The following PPP2R3A variants were observed in gnomAD, a reference collection of about 807,000 sequenced individuals.
PPP2R3A encodes serine/threonine-protein phosphatase 2A regulatory subunit B'' subunit alpha.
In PPP2R3A, 80 loss-of-function variants were observed where a neutral mutation model predicts 106.9. The ratio of observed to expected loss-of-function variants is 0.75; its 90% CI spans 0.62 to 0.90. The LOEUF is 0.90. Ranked by LOEUF, PPP2R3A falls within the 40% of genes least tolerant of loss-of-function variation. PPP2R3A has a pLI of 0.00. For missense variants in PPP2R3A, 1,386 were observed against 1,350.4 expected (o/e 1.03, Z -0.41); for synonymous variants, 483 against 468.3 (o/e 1.03, Z -0.41).
chr3:136,138,691 T>A lies in PPP2R3A; in HGVS notation c.3330-6352T>A, dbSNP rs143370580. On this transcript the variant is annotated intron_variant, in intron 13 of 13. Transcript: ENST00000264977. The stretch of plus-strand genomic sequence containing the variant: ...TTATAGACTCCAAACTAGAGAAATA[T>A]TGAATTTTTTTTTTTTTTTTTTTTT... Among the ~76,000 whole-genome samples the A allele has an allele frequency of 3.3e-3, 448 of 136,550 alleles. 1 individual carries two copies. The highest frequency in any genetic ancestry group is 0.012 in the African/African-American group (421 of 36,210). The allele number at this position is 136,550 out of a possible 152,430, so 89.6% of individuals were successfully genotyped here. A position where few individuals can be genotyped will look rare whatever the true frequency, so the allele number is the denominator to read the frequency against.
At position 135,983,092 on chromosome 3, in the gene PPP2R3A, T is replaced by C. The variant is rs1266351510; in HGVS notation, c.-441+17243T>C. On this transcript the variant is annotated intron_variant, in intron 1 of 13. Coordinates refer to ENST00000264977, the MANE Select transcript of PPP2R3A (RefSeq NM_002718.5). ...CATCAGTGGGGTCAAGAAATAGGAT[T>C]CCAAAGCCATATCCAGGGCAGGAGC... Among the ~76,000 whole-genome samples the C allele has an allele frequency of 2.0e-5, 3 of 152,266 alleles. No homozygotes were observed. In the East Asian group the frequency reaches 5.8e-4, roughly 29 times the overall value.
chr3:136,028,502 G>A (rs1474551933), intron 3 of PPP2R3A, among the ~76,000 whole-genome samples: 1 of 152,216 alleles, frequency 6.6e-6, no homozygotes, highest in Admixed American at 6.5e-5. Context: ...AAGTCACAGA[G>A]CTAGTTCATG....
intron 6 of PPP2R3A, among the ~76,000 whole-genome samples, chr3:136,075,484 C>A (rs1228860261): frequency 6.6e-6 from 1 of 152,048 alleles, no homozygotes; most frequent in Admixed American, 6.5e-5. Flanking sequence ...TGAAGTGTGG[C>A]CACTGAATAA....
rs745538455 is a variant in PPP2R3A at position 136,070,504 on chromosome 3, C to CA, written c.2497dup (p.Thr833AsnfsTer66). ...ATGTGGTGGATACCCACCCTGGTCTCACGTTCCTGAAAGATGCTCCAGAAT... is the reference window on the plus strand; with the variant it reads ...ATGTGGTGGATACCCACCCTGGTCTCAACGTTCCTGAAAGATGCTCCAGAAT... On this transcript the variant is annotated frameshift_variant, in exon 6 of 14. Transcript: ENST00000264977. LOFTEE classifies it high-confidence loss of function. 6.2e-7 allele frequency: 1 copy of CA among 1,610,084 alleles called. No individual in the cohort carries two copies.
At chr3:136,023,985 A>C (rs890287887) in intron 2 of PPP2R3A, among the ~76,000 whole-genome samples, 9 of 152,186 alleles carry the variant, frequency 5.9e-5, no homozygotes, top group African/African-American at 2.2e-4. Flanking sequence ...ACCCAGAATA[A>C]TCTCAAATTA....
intron 2 of PPP2R3A, 127 bp from the exon 3 acceptor site, chr3:136,026,705 T>C: frequency 1.2e-6 from 1 of 803,152 alleles, no homozygotes. Flanking sequence ...CTTACCACCT[T>C]TAAGAGTACA....
intron 1 of PPP2R3A, among the ~76,000 whole-genome samples, chr3:135,982,797 A>G (rs1937556115): frequency 6.6e-6 from 1 of 151,976 alleles, no homozygotes; most frequent in Non-Finnish European, 1.5e-5. Flanking sequence ...GCATACACAC[A>G]CACCTTTCAT....
intron 5 of PPP2R3A, among the ~76,000 whole-genome samples, chr3:136,069,367 A>G (rs935839946): frequency 6.6e-6 from 1 of 152,178 alleles, no homozygotes; most frequent in Non-Finnish European, 1.5e-5. Context: ...ACTTGACACC[A>G]GTAGTTCAAG....
chr3:136,086,749 A>G (rs1012506197), intron 8 of PPP2R3A, among the ~76,000 whole-genome samples: 5 of 152,170 alleles, frequency 3.3e-5, no homozygotes, highest in Non-Finnish European at 5.9e-5. Flanking sequence ...GGCTGTTCCA[A>G]TACACATATT....
intron 10 of PPP2R3A, among the ~76,000 whole-genome samples, chr3:136,098,665 AAAT>A (rs1937276889): frequency 6.6e-6 from 1 of 152,218 alleles, no homozygotes; most frequent in Admixed American, 6.5e-5. Context: ...AGGAAATGAG[AAAT>A]AATAACAAAG....
At chr3:136,108,943 C>T (rs1183350940) in intron 13 of PPP2R3A, among the ~76,000 whole-genome samples, 2 of 152,046 alleles carry the variant, frequency 1.3e-5, no homozygotes, top group Non-Finnish European at 2.9e-5. Context: ...TACCCAGGAG[C>T]TCTTCTTTAA....
intron 4 of PPP2R3A, 44 bp downstream of exon 4, chr3:136,041,006 G>A (rs773330767): frequency 7.2e-6 from 11 of 1,529,400 alleles, no homozygotes; most frequent in Non-Finnish European, 9.9e-6. Flanking sequence ...AAAGAATTGT[G>A]TGACCCTCAT....
chr3:136,145,048 A>T lies in PPP2R3A; in HGVS notation c.3335A>T (p.Glu1112Val). The change falls in exon 14 of 14, where the codon GAA (glutamate) becomes GTA (valine). Residue 1112 changes from glutamate (E) to valine (V), a missense_variant. Transcript: ENST00000264977. ...SAQAQFQEGF[E>V]DYETDEPASP... ...CTTTTGCTTTGTTATTTCAGCTTTG[A>T]AGATTATGAAACAGATGAACCTGCC... 6.2e-7 allele frequency: 1 copy of T among 1,610,756 alleles called. No individual in the cohort carries two copies. Among genetic ancestry groups the T allele is most frequent in the Non-Finnish European group, 8.5e-7 (1 of 1,178,822 alleles).
intron 4 of PPP2R3A, among the ~76,000 whole-genome samples, chr3:136,046,945 T>G (rs1296582844): frequency 6.6e-6 from 1 of 152,178 alleles, no homozygotes; most frequent in Non-Finnish European, 1.5e-5. Flanking sequence ...GGGAATTCCA[T>G]AATACAACTA....
chr3:136,051,177 A>T (rs1375168410), intron 5 of PPP2R3A, among the ~76,000 whole-genome samples: 1 of 152,254 alleles, frequency 6.6e-6, no homozygotes, highest in Non-Finnish European at 1.5e-5. Flanking sequence ...TGAAGCTAAG[A>T]TAAGCTTTTC....
At chr3:136,140,631 G>A (rs1437057378) in intron 13 of PPP2R3A, among the ~76,000 whole-genome samples, 1 of 151,102 alleles carries the variant, frequency 6.6e-6, no homozygotes, top group Non-Finnish European at 1.5e-5. Flanking sequence ...GCCTGTAATC[G>A]CAGCTACTTG....
At chr3:136,022,312 T>C (rs1475649548) in intron 2 of PPP2R3A, among the ~76,000 whole-genome samples, 1 of 152,152 alleles carries the variant, frequency 6.6e-6, no homozygotes, top group Non-Finnish European at 1.5e-5. Context: ...TCATCATCAG[T>C]TCAAGAAAAT....
rs1441851363 is a variant in PPP2R3A, at chr3:136,002,227, A to T, written c.729A>T (p.Leu243Phe). The change falls in exon 2 of 14, where the codon TTA becomes TTT. Residue 243 changes from leucine (L) to phenylalanine (F), a missense_variant. Leu to Phe is a conservative substitution (Grantham distance 22). Transcript: ENST00000264977. ...LDILLKCSED[L>F]KKCTDIIKQC... ...TCTTATTGAAATGCTCCGAGGATTT[A>T]AAAAAATGCACAGACATCATAAAAC... 2 of 1,613,110 alleles carry T rather than the reference A, an allele frequency of 1.2e-6. No homozygotes were observed. Among genetic ancestry groups the T allele is most frequent in the East Asian group, 2.2e-5 (1 of 44,886 alleles).
intron 13 of PPP2R3A, among the ~76,000 whole-genome samples, chr3:136,131,169 TTAAAC>T (rs1329665258): frequency 6.6e-6 from 1 of 152,126 alleles, no homozygotes; most frequent in African/African-American, 2.4e-5. Flanking sequence ...TGGGATCTAA[TTAAAC>T]TAAAGAGCTT....
Sources: gnomAD v4.1 joint callset for allele counts (sites outside exome capture counted in the v4.1 genomes callset) on GRCh38, gnomAD v4.1.1 for gene constraint, MANE v1.5 for transcripts, NCBI Gene and HGNC (gene_info 2026-07-23, HGNC 2026-07-21) for gene names.